SOCS5: variants seen among roughly 807,000 people sequenced by gnomAD.
SOCS5 encodes CIS-6.
SOCS5 carries 32 observed loss-of-function variants against 42.8 expected under a neutral mutation model. The ratio of observed to expected loss-of-function variants is 0.75; its 90% CI spans 0.56 to 1.01. The LOEUF (loss-of-function observed/expected upper bound fraction) is 1.01, where lower values mean the gene tolerates loss of function less well. Ranked by LOEUF, SOCS5 falls within the 50% of genes least tolerant of loss-of-function variation. The probability of loss-of-function intolerance (pLI) is 0.00; values close to 1 mark genes in which losing one functional copy is unlikely to be tolerated. For synonymous variants in SOCS5, 283 were observed against 229.6 expected (o/e 1.23, Z -2.10); for missense variants, 627 against 653.0 (o/e 0.96, Z 0.43).
intron 1 of SOCS5, among the ~76,000 whole-genome samples, chr2:46,703,853 G>T (rs994986180): frequency 6.6e-6 from 1 of 152,158 alleles, no homozygotes; most frequent in African/African-American, 2.4e-5. Context: ...CAAGGGGAGT[G>T]GGGAGGGCTT....
At chr2:46,704,649 G>A (rs901671581) in intron 1 of SOCS5, among the ~76,000 whole-genome samples, 2 of 152,152 alleles carry the variant, frequency 1.3e-5, no homozygotes, top group Non-Finnish European at 2.9e-5. Flanking sequence ...GGTCTTGTAA[G>A]CCTCATCATT....
At chr2:46,724,703 G>A (rs1444396757) in intron 1 of SOCS5, among the ~76,000 whole-genome samples, 9 of 151,630 alleles carry the variant, frequency 5.9e-5, no homozygotes, top group Admixed American at 5.2e-4. Flanking sequence ...TTGTAATTTA[G>A]GTTCATTATG....
rs552973240 is a variant in SOCS5, at chr2:46,702,726, T to C, written c.-13+3277T>C. On this transcript the variant is annotated intron_variant, in intron 1 of 1. Coordinates refer to ENST00000394861, the MANE Select transcript of SOCS5 (RefSeq NM_144949.3). ...TGTGTGACTCCAATTTTATAACATATGGTTCTTTTTAATTTGCTGTAACCC... is the reference window on the plus strand; with the variant it reads ...TGTGTGACTCCAATTTTATAACATACGGTTCTTTTTAATTTGCTGTAACCC... Among the ~76,000 whole-genome samples the C allele has an allele frequency of 4.1e-3, 622 of 152,256 alleles. 5 individuals are homozygous for C. Among genetic ancestry groups the C allele is most frequent in the African/African-American group, 0.014 (595 of 41,484 alleles).
At chr2:46,737,021 T>C (rs1239305823) in intron 1 of SOCS5, among the ~76,000 whole-genome samples, 2 of 152,200 alleles carry the variant, frequency 1.3e-5, no homozygotes, top group Non-Finnish European at 2.9e-5. Context: ...TGTACTCACA[T>C]AGCTTCTTGA....
rs776060821 is a variant in SOCS5 at position 46,759,059 on chromosome 2, C to G, written c.529C>G (p.Leu177Val). The G allele has an allele frequency of 1.9e-6, 3 of 1,613,974 alleles. No homozygotes were observed. Among genetic ancestry groups the G allele is most frequent in the Non-Finnish European group, 2.5e-6 (3 of 1,179,856 alleles). The change falls in exon 2 of 2, where the codon CTA becomes GTA. Residue 177 changes from leucine (L) to valine (V), a missense_variant. Coordinates refer to ENST00000394861, the MANE Select transcript of SOCS5 (RefSeq NM_144949.3). Reference sequence around the variant, plus strand: ...CAGCAGAACTGTAGGAAGTCGCTCTCTAAGACAGAGGTTGCAGGATACTGT... The same window carrying G: ...CAGCAGAACTGTAGGAAGTCGCTCTGTAAGACAGAGGTTGCAGGATACTGT... ...VSSRTVGSRS[L>V]RQRLQDTVGL...
intron 1 of SOCS5, among the ~76,000 whole-genome samples, chr2:46,715,022 C>T (rs1430881318): frequency 6.6e-6 from 1 of 151,992 alleles, no homozygotes; most frequent in East Asian, 1.9e-4. Flanking sequence ...ATATTTCGTG[C>T]TTTTGTTGTC....
At chr2:46,731,908 A>C (rs1259396598) in intron 1 of SOCS5, among the ~76,000 whole-genome samples, 1 of 152,248 alleles carries the variant, frequency 6.6e-6, no homozygotes, top group African/African-American at 2.4e-5. Context: ...TTTGCATGTG[A>C]AGGTAGTCAT....
chr2:46,712,820 T>C (rs1672657764), intron 1 of SOCS5, among the ~76,000 whole-genome samples: 1 of 152,222 alleles, frequency 6.6e-6, no homozygotes. Context: ...TTTTTGCTTT[T>C]TGTTTTGTTT....
chr2:46,740,117 T>G (rs1673337904), intron 1 of SOCS5, among the ~76,000 whole-genome samples: 1 of 152,250 alleles, frequency 6.6e-6, no homozygotes, highest in Non-Finnish European at 1.5e-5. Context: ...TTTCAGTGCC[T>G]GCTATTCCTA....
chr2:46,700,314 T>C (rs1053688379), intron 1 of SOCS5, among the ~76,000 whole-genome samples: 1 of 152,192 alleles, frequency 6.6e-6, no homozygotes, highest in Non-Finnish European at 1.5e-5. Context: ...TATTGAAAAA[T>C]ATATGTGTAT....
intron 1 of SOCS5, among the ~76,000 whole-genome samples, chr2:46,731,342 C>T (rs1386079965): frequency 1.3e-5 from 2 of 152,210 alleles, no homozygotes; most frequent in Non-Finnish European, 2.9e-5. Context: ...AACCAGGAAG[C>T]AGGTCCTCAC....
At chr2:46,749,743 A>G (rs1050672274) in intron 1 of SOCS5, among the ~76,000 whole-genome samples, 1 of 152,138 alleles carries the variant, frequency 6.6e-6, no homozygotes, top group Non-Finnish European at 1.5e-5. Flanking sequence ...GTTTTTGTAG[A>G]TGAGCTGTAG....
At position 46,762,136 on chromosome 2, in the gene SOCS5, T is replaced by A; in HGVS notation, c.*1995T>A. On this transcript the variant is annotated 3_prime_UTR_variant, in exon 2 of 2. Coordinates refer to ENST00000394861, the MANE Select transcript of SOCS5 (RefSeq NM_144949.3). ...TTGAAGGGACTTATAATTTCTGTTG[T>A]TTCTAATTAAAGTCCCTGAAGATCA... 1 of 167,162 alleles carries A rather than the reference T, an allele frequency of 6.0e-6. No homozygotes were observed. The highest frequency in any genetic ancestry group is 2.4e-5 in the African/African-American group (1 of 41,582). 10.4% of individuals were successfully genotyped at this position (167,162 alleles called of 1,614,324 possible).
chr2:46,703,707 TG>T (rs1672397764), intron 1 of SOCS5, among the ~76,000 whole-genome samples: 1 of 152,244 alleles, frequency 6.6e-6, no homozygotes, highest in African/African-American at 2.4e-5. Flanking sequence ...TTATGTGAAC[TG>T]AGTAGGTGTA....
At chr2:46,751,092 T>A (rs916480232) in intron 1 of SOCS5, among the ~76,000 whole-genome samples, 5 of 152,154 alleles carry the variant, frequency 3.3e-5, no homozygotes, top group African/African-American at 1.2e-4. Context: ...TCCAAGTTGT[T>A]ATTAATCTCT....
At chr2:46,728,228 A>G (rs1310968554) in intron 1 of SOCS5, among the ~76,000 whole-genome samples, 1 of 152,188 alleles carries the variant, frequency 6.6e-6, no homozygotes, top group Non-Finnish European at 1.5e-5. Context: ...ATATTTTGCC[A>G]TCTACCTCCC....
chr2:46,716,941 A>T (rs560745070), intron 1 of SOCS5, among the ~76,000 whole-genome samples: 73 of 152,020 alleles, frequency 4.8e-4, no homozygotes, highest in Middle Eastern at 3.2e-3. Flanking sequence ...TTCCCCATGT[A>T]TTCATCAAGG....
Position 46,743,803 on chromosome 2 carries a change from C to T in SOCS5, c.-12-14716C>T, listed in dbSNP as rs1673431168. ...TCTCCAAATATGTCTGAAATTTAAA[C>T]AAAGGCCTTCCATTTGTATTTTCTG... is the stretch of plus-strand genomic sequence containing the variant. On this transcript the variant is annotated intron_variant, in intron 1 of 1. Transcript: ENST00000394861. Among the ~76,000 whole-genome samples the T allele has an allele frequency of 1.3e-5, 2 of 152,086 alleles. 1 individual carries two copies. Among genetic ancestry groups the T allele is most frequent in the African/African-American group, 4.8e-5 (2 of 41,394 alleles).
At chr2:46,726,948 GT>G (rs1673007598) in intron 1 of SOCS5, among the ~76,000 whole-genome samples, 1 of 151,436 alleles carries the variant, frequency 6.6e-6, no homozygotes, top group South Asian at 2.1e-4. Flanking sequence ...TAGAGACGGG[GT>G]TTCTCCATGT....
Sources: gnomAD v4.1 joint callset for allele counts (sites outside exome capture counted in the v4.1 genomes callset) on GRCh38, gnomAD v4.1.1 for gene constraint, MANE v1.5 for transcripts, NCBI Gene and HGNC (gene_info 2026-07-23, HGNC 2026-07-21) for gene names.